NRP1: variants seen among roughly 807,000 people sequenced by gnomAD.
NRP1 encodes neuropilin 1.
NRP1 carries 35 observed loss-of-function variants against 106.7 expected under a neutral mutation model. That is an observed-to-expected ratio of 0.33 (90% CI 0.25 to 0.43). The LOEUF (loss-of-function observed/expected upper bound fraction) is 0.43. Among genes scored for constraint, NRP1 ranks in the 20% least tolerant of loss-of-function variants. The pLI, the probability that NRP1 is intolerant of heterozygous loss-of-function variation, is 1.00. For synonymous variants in NRP1, 437 were observed against 417.9 expected (o/e 1.05, Z -0.56); for missense variants, 1,024 against 1,170.4 (o/e 0.87, Z 1.83).
intron 2 of NRP1, among the ~76,000 whole-genome samples, chr10:33,300,334 C>T (rs12267853): frequency 0.035 from 5,311 of 152,286 alleles, 295 homozygotes; most frequent in African/African-American, 0.12. Context: ...AAATGTCCAT[C>T]AACAAAGTGC....
intron 6 of NRP1, among the ~76,000 whole-genome samples, chr10:33,232,483 T>C (rs1437138177): frequency 1.3e-5 from 2 of 152,118 alleles, no homozygotes; most frequent in African/African-American, 4.8e-5. Flanking sequence ...AGGGATGGAA[T>C]GGAACATCAA....
At chr10:33,197,994 C>T (rs528873811) in intron 11 of NRP1, among the ~76,000 whole-genome samples, 14 of 149,212 alleles carry the variant, frequency 9.4e-5, no homozygotes, top group East Asian at 3.9e-4. Context: ...TGGCATACAA[C>T]GTGATGTTTT....
chr10:33,331,018 G>A (rs1015474391), intron 1 of NRP1, 136 bp from the exon 2 acceptor site: 4 of 695,534 alleles, frequency 5.8e-6, no homozygotes, highest in Admixed American at 3.2e-5. Flanking sequence ...TAAGTCCTTC[G>A]TGTGGCTCTG....
chr10:33,266,836 T>A (rs755678696), intron 3 of NRP1, among the ~76,000 whole-genome samples: 3 of 152,084 alleles, frequency 2.0e-5, no homozygotes, highest in Non-Finnish European at 4.4e-5. Flanking sequence ...ACGTGTACCA[T>A]CCTGGCTAAC....
At position 33,305,854 on chromosome 10, in the gene NRP1, C is replaced by T. The variant is rs139368976; in HGVS notation, c.248+24854G>A. 6.9e-3 allele frequency among the ~76,000 whole-genome samples: 1,046 copies of T among 151,976 alleles called. 15 individuals carry two copies. Among genetic ancestry groups the T allele is most frequent in the African/African-American group, 0.024 (1,010 of 41,448 alleles). ...CATGATCTCAGCTCACTGCAACTTC[C>T]GCCTCCTGGGTTCAAGAGATTCTTC... On this transcript the variant is annotated intron_variant, in intron 2 of 16. Transcript: ENST00000374867.
chr10:33,267,599 GT>G (rs1342209699), intron 3 of NRP1, among the ~76,000 whole-genome samples: 2 of 146,486 alleles, frequency 1.4e-5, no homozygotes, highest in Non-Finnish European at 3.0e-5. Context: ...CCCGTCCCCC[GT>G]CCCCCTTGCA....
At position 33,270,790 on chromosome 10, in the gene NRP1, T is replaced by G. The variant is rs1041048435; in HGVS notation, c.315A>C (p.Gly105=). 20 of 1,613,960 alleles carry G rather than the reference T, an allele frequency of 1.2e-5. No homozygotes were observed. In the Middle Eastern group the frequency reaches 5.0e-4, roughly 40 times the overall value. ...ENGHFRGKFC[G]KIAPPPVVSS... is the part of the protein sequence containing the mutation. ...ACACAACAGGAGGAGGGGCTATCTT[T>G]CCACAGAACTTTCCCCTAAAATGTC... Residue 105 remains glycine, a synonymous_variant, in exon 3 of 17, where the codon GGA becomes GGC. Transcript: ENST00000374867.
intron 2 of NRP1, among the ~76,000 whole-genome samples, chr10:33,274,337 A>C (rs968281264): frequency 6.6e-6 from 1 of 152,192 alleles, no homozygotes; most frequent in Non-Finnish European, 1.5e-5. Flanking sequence ...TTGAGTCCTA[A>C]CAGTAATCAC....
chr10:33,266,640 T>C (rs1842935377), intron 3 of NRP1, among the ~76,000 whole-genome samples: 1 of 152,156 alleles, frequency 6.6e-6, no homozygotes, highest in South Asian at 2.1e-4. Context: ...ATACACGTGA[T>C]AGTGTTTGGA....
At chr10:33,247,699 C>T (rs941679606) in intron 6 of NRP1, among the ~76,000 whole-genome samples, 1 of 152,232 alleles carries the variant, frequency 6.6e-6, no homozygotes, top group Non-Finnish European at 1.5e-5. Context: ...GAGAGCTTTG[C>T]AAGCCTCACC....
At chr10:33,265,398 C>A (rs890029034) in intron 3 of NRP1, among the ~76,000 whole-genome samples, 4 of 152,186 alleles carry the variant, frequency 2.6e-5, no homozygotes, top group African/African-American at 9.7e-5. Flanking sequence ...GGATTCAATT[C>A]TAAATAAGGT....
chr10:33,256,186 A>G (rs1249910638), intron 5 of NRP1, 130 bp downstream of exon 5: 2 of 839,038 alleles, frequency 2.4e-6, no homozygotes, highest in Non-Finnish European at 3.7e-6. Flanking sequence ...AACATTTAGA[A>G]GAGAAAAACA....
chr10:33,200,022 A>G (rs1471750582), intron 11 of NRP1, among the ~76,000 whole-genome samples: 2 of 152,186 alleles, frequency 1.3e-5, no homozygotes, highest in African/African-American at 4.8e-5. Context: ...GAGTGGTCAC[A>G]TGTGTGCATG....
At chr10:33,275,780 C>T (rs1342943770) in intron 2 of NRP1, among the ~76,000 whole-genome samples, 1 of 151,022 alleles carries the variant, frequency 6.6e-6, no homozygotes, top group East Asian at 1.9e-4. Context: ...TATGGTGGCT[C>T]ATGGCTGTAG....
At chr10:33,204,251 G>T (rs1416660384) in intron 10 of NRP1, among the ~76,000 whole-genome samples, 1 of 152,032 alleles carries the variant, frequency 6.6e-6, no homozygotes, top group Non-Finnish European at 1.5e-5. Context: ...GACACTGAAT[G>T]GTGCTGAAAC....
At chr10:33,206,052 G>A in intron 10 of NRP1, 1 of 372,574 alleles carries the variant, frequency 2.7e-6, no homozygotes, top group Non-Finnish European at 5.4e-6. Context: ...GAGTCAGTTA[G>A]GTCAGATCTC....
chr10:33,334,534 G>A lies in NRP1; in HGVS notation c.-152C>T, dbSNP rs551692356. On this transcript the variant is annotated 5_prime_UTR_variant, in exon 1 of 17. Coordinates refer to ENST00000374867, the MANE Select transcript of NRP1 (RefSeq NM_003873.7). ...GTCTTGGAGAAAAGAAAGCAGCGAG[G>A]CAATGCCTGGATCCGAGAGGAACGC... 3.0e-5 allele frequency: 19 copies of A among 631,636 alleles called. No individual in the cohort carries two copies. The African/African-American group carries it at 3.5e-4, about 12-fold the overall frequency. The allele number at this position is 631,636 out of a possible 1,614,324, so 39.1% of individuals were successfully genotyped here. A position where few individuals can be genotyped will look rare whatever the true frequency, so the allele number is the denominator to read the frequency against.
chr10:33,329,836 A>C (rs139858086), intron 2 of NRP1, among the ~76,000 whole-genome samples: 1 of 152,342 alleles, frequency 6.6e-6, no homozygotes, highest in Non-Finnish European at 1.5e-5. Context: ...GAGACGAGCA[A>C]ACATGTATCT....
At chr10:33,272,176 T>C (rs12218572) in intron 2 of NRP1, among the ~76,000 whole-genome samples, 33,882 of 151,996 alleles carry the variant, frequency 0.22, 4,615 homozygotes, top group East Asian at 0.46. Flanking sequence ...ACTGCAACGA[T>C]GCTATCACTA....
Sources: allele counts gnomAD v4.1 joint callset (sites outside exome capture counted in the v4.1 genomes callset), GRCh38; gene constraint gnomAD v4.1.1; transcripts MANE v1.5; gene names NCBI Gene and HGNC (gene_info 2026-07-23, HGNC 2026-07-21).